The following ATP6V0A4 variants were observed in gnomAD, a reference collection of about 807,000 sequenced individuals.
ATP6V0A4 encodes the protein ATPase H+ transporting V0 subunit a4, also known as V-type proton ATPase 116 kDa subunit a 4.
A neutral mutation model predicts 107.3 loss-of-function variants in ATP6V0A4; 86 were observed. The ratio of observed to expected loss-of-function variants is 0.80; its 90% CI spans 0.67 to 0.96. The LOEUF is 0.96. Among genes scored for constraint, ATP6V0A4 ranks in the 40% least tolerant of loss-of-function variants. The probability of loss-of-function intolerance (pLI) is 0.00; values close to 1 mark genes in which losing one functional copy is unlikely to be tolerated. For synonymous variants in ATP6V0A4, 353 were observed against 381.4 expected (o/e 0.93, Z 0.87); for missense variants, 908 against 1,045.6 (o/e 0.87, Z 1.81).
intron 1 of ATP6V0A4, among the ~76,000 whole-genome samples, chr7:138,796,450 C>T (rs750802316): frequency 2.0e-5 from 3 of 152,172 alleles, no homozygotes; most frequent in East Asian, 1.9e-4. Flanking sequence ...GGCTTACTCA[C>T]GCCTTCTATG....
chr7:138,792,773 T>G (rs113595746), intron 1 of ATP6V0A4, among the ~76,000 whole-genome samples: 7,823 of 57,772 alleles, frequency 0.14, 266 homozygotes, highest in Non-Finnish European at 0.15. Context: ...TTTGTTTTTT[T>G]TTTTGTTGTT....
intron 12 of ATP6V0A4, 146 bp from the exon 13 acceptor site, chr7:138,747,710 A>C (rs1309191948): frequency 7.7e-7 from 1 of 1,290,898 alleles, no homozygotes. Flanking sequence ...ACCCTGACAC[A>C]TGCTTAGCTG....
intron 18 of ATP6V0A4, among the ~76,000 whole-genome samples, chr7:138,722,941 C>CTA (rs1804502995): frequency 6.6e-6 from 1 of 150,696 alleles, no homozygotes; most frequent in South Asian, 2.1e-4. Flanking sequence ...GCCTGTAATC[C>CTA]CAGCTACTCG....
At chr7:138,742,071 T>C (rs988649942) in intron 14 of ATP6V0A4, among the ~76,000 whole-genome samples, 3 of 152,166 alleles carry the variant, frequency 2.0e-5, no homozygotes, top group Non-Finnish European at 4.4e-5. Context: ...ACAATCATAC[T>C]CTATGGGAAA....
In ATP6V0A4 at chr7:138,763,025, T is replaced by C; in HGVS notation, c.292A>G (p.Thr98Ala). 1.9e-6 allele frequency: 3 copies of C among 1,614,022 alleles called. No individual in the cohort carries two copies. Among genetic ancestry groups the C allele is most frequent in the Non-Finnish European group, 2.5e-6 (3 of 1,180,008 alleles). ...PLPREMITLE[T>A]VLEKLEGELQ... ...TCTCCTTCCAGTTTTTCTAGAACAG[T>C]CTATGCAGGAAGGAAAAAGAAGGTA... Residue 98 changes from threonine (T) to alanine (A), a missense_variant and splice_region_variant, in exon 6 of 22, where the codon ACT (threonine) becomes GCT (alanine). Thr to Ala is a moderately conservative substitution (Grantham distance 58, BLOSUM62 0). Coordinates refer to ENST00000310018, the MANE Select transcript of ATP6V0A4 (RefSeq NM_020632.3).
chr7:138,718,399 TCCAGGAAGGAA>T (rs1804219487), intron 19 of ATP6V0A4, among the ~76,000 whole-genome samples: 2 of 64,258 alleles, frequency 3.1e-5, no homozygotes, highest in African/African-American at 1.2e-4. Context: ...GAGGGAGACG[TCCAGGAAGGAA>T]GGGGGGGCGT....
rs755946397 is a variant in ATP6V0A4 at position 138,709,797 on chromosome 7, T to A, written c.2258-2A>T. 6 of 1,613,844 alleles carry A rather than the reference T, an allele frequency of 3.7e-6. No individual in the cohort carries two copies. In the Admixed American group the frequency reaches 1.0e-4, roughly 27 times the overall value. On this transcript the variant is annotated splice_acceptor_variant, in intron 20 of 21. Coordinates refer to ENST00000310018, the MANE Select transcript of ATP6V0A4 (RefSeq NM_020632.3). LOFTEE classifies it high-confidence loss of function. ...TAGTCCAGAGCACTTCAGACAGTTC[T>A]GCAAGGTACGAGAAACCACTGGGAT... is the stretch of plus-strand genomic sequence containing the variant.
intron 2 of ATP6V0A4, among the ~76,000 whole-genome samples, chr7:138,782,547 T>G (rs554532582): frequency 6.6e-6 from 1 of 152,100 alleles, no homozygotes; most frequent in South Asian, 2.1e-4. Flanking sequence ...ACAGAGAAAT[T>G]CCAGGATTTC....
chr7:138,760,373 G>A (rs2117310293), intron 7 of ATP6V0A4, among the ~76,000 whole-genome samples: 1 of 151,198 alleles, frequency 6.6e-6, no homozygotes, highest in African/African-American at 2.4e-5. Flanking sequence ...AACCTGGGAG[G>A]CGGAGGTTGC....
chr7:138,712,601 T>C (rs1803801407), intron 20 of ATP6V0A4, among the ~76,000 whole-genome samples: 1 of 152,174 alleles, frequency 6.6e-6, no homozygotes, highest in Non-Finnish European at 1.5e-5. Context: ...GTTTTAATTT[T>C]TTCCCCATTT....
At position 138,706,311 on chromosome 7, in the gene ATP6V0A4, T is replaced by G; in HGVS notation, c.*313A>C. On this transcript the variant is annotated 3_prime_UTR_variant, in exon 22 of 22. Coordinates refer to ENST00000310018, the MANE Select transcript of ATP6V0A4 (RefSeq NM_020632.3). ...GGAAAAAGTGAATGACTCAGATGTT[T>G]ATTTTCTCAAATACAATATTTAAAA... is the stretch of plus-strand genomic sequence containing the variant. 1 of 357,428 alleles carries G rather than the reference T, an allele frequency of 2.8e-6. No individual in the cohort carries two copies. The highest frequency in any genetic ancestry group is 5.4e-6 in the Non-Finnish European group (1 of 186,170). 22.1% of individuals were successfully genotyped at this position (357,428 alleles called of 1,614,324 possible).
At chr7:138,745,344 C>T (rs555069729) in intron 13 of ATP6V0A4, 64 bp from the exon 14 acceptor site, 7 of 1,609,100 alleles carry the variant, frequency 4.4e-6, no homozygotes, top group Admixed American at 1.7e-5. Context: ...CAGAGGGAAG[C>T]GTTCTACAGG....
At chr7:138,726,187 C>T (rs1255596600) in intron 18 of ATP6V0A4, among the ~76,000 whole-genome samples, 1 of 152,056 alleles carries the variant, frequency 6.6e-6, no homozygotes, top group Admixed American at 6.6e-5. Context: ...GACGGGGTTT[C>T]ACCGTGTTAG....
chr7:138,735,197 C>A (rs975928664), intron 15 of ATP6V0A4, among the ~76,000 whole-genome samples: 5 of 152,056 alleles, frequency 3.3e-5, no homozygotes, highest in African/African-American at 9.7e-5. Context: ...AGCTAAGGAC[C>A]AGAGTCACTA....
chr7:138,723,980 A>C (rs538463947), intron 18 of ATP6V0A4, among the ~76,000 whole-genome samples: 2 of 150,816 alleles, frequency 1.3e-5, no homozygotes, highest in Non-Finnish European at 2.9e-5. Context: ...GTTTGAGCCT[A>C]GGAGTTCAAG....
At chr7:138,756,600 T>G (rs1806528721) in intron 8 of ATP6V0A4, 60 bp from the exon 9 acceptor site, 2 of 1,572,092 alleles carry the variant, frequency 1.3e-6, no homozygotes, top group African/African-American at 2.7e-5. Flanking sequence ...TAAAACATAA[T>G]AGAGAGAAAT....
intron 17 of ATP6V0A4, among the ~76,000 whole-genome samples, chr7:138,731,123 T>C (rs1804992073): frequency 1.3e-5 from 2 of 152,084 alleles, no homozygotes; most frequent in South Asian, 4.1e-4. Flanking sequence ...TTAGTAGAGA[T>C]GGTGTTTCAC....
At chr7:138,747,193 A>G (rs1805992737) in intron 13 of ATP6V0A4, among the ~76,000 whole-genome samples, 1 of 152,186 alleles carries the variant, frequency 6.6e-6, no homozygotes, top group Admixed American at 6.5e-5. Context: ...TGAAAAAGAA[A>G]AATCGATGCC....
intron 17 of ATP6V0A4, among the ~76,000 whole-genome samples, chr7:138,731,208 T>C (rs1010323792): frequency 2.6e-5 from 4 of 152,222 alleles, no homozygotes; most frequent in African/African-American, 9.6e-5. Context: ...GTGATGGGAT[T>C]ACAGGCGTGA....
Sources: gnomAD v4.1 joint callset for allele counts (sites outside exome capture counted in the v4.1 genomes callset) on GRCh38, gnomAD v4.1.1 for gene constraint, MANE v1.5 for transcripts, NCBI Gene and HGNC (gene_info 2026-07-23, HGNC 2026-07-21) for gene names.